IMMP1L: variants seen among roughly 807,000 people sequenced by gnomAD.
The protein encoded by IMMP1L is mitochondrial inner membrane protease subunit 1.
A neutral mutation model predicts 21.8 loss-of-function variants in IMMP1L; 24 were observed. The observed-to-expected ratio is 1.10, with a 90% CI of 0.80 to 1.55. IMMP1L has a LOEUF of 1.55. Among genes scored for constraint, IMMP1L ranks in the 40% most tolerant of loss-of-function variants. The pLI, the probability that IMMP1L is intolerant of heterozygous loss-of-function variation, is 0.00. For missense variants in IMMP1L, 195 were observed against 200.7 expected (o/e 0.97, Z 0.17); for synonymous variants, 46 against 62.8 (o/e 0.73, Z 1.26).
intron 1 of IMMP1L, among the ~76,000 whole-genome samples, chr11:31,497,880 C>T (rs990982582): frequency 2.6e-5 from 4 of 152,156 alleles, no homozygotes; most frequent in African/African-American, 9.7e-5. Flanking sequence ...TTTTATGTTA[C>T]GTATATTTTT....
At chr11:31,468,396 C>CAT (rs1196001717) in intron 1 of IMMP1L, among the ~76,000 whole-genome samples, 1 of 152,096 alleles carries the variant, frequency 6.6e-6, no homozygotes, top group African/African-American at 2.4e-5. Flanking sequence ...TTGATACACA[C>CAT]ATATATATAC....
At chr11:31,457,172 A>C (rs888870721) in intron 3 of IMMP1L, among the ~76,000 whole-genome samples, 13 of 152,028 alleles carry the variant, frequency 8.6e-5, no homozygotes. Flanking sequence ...AAATCAAAAG[A>C]TACAACAAAA....
intron 1 of IMMP1L, among the ~76,000 whole-genome samples, chr11:31,497,601 A>G (rs1185793478): frequency 6.6e-6 from 1 of 151,962 alleles, no homozygotes; most frequent in African/African-American, 2.4e-5. Flanking sequence ...AGCTGGGACT[A>G]GAGGCACGCG....
intron 4 of IMMP1L, among the ~76,000 whole-genome samples, chr11:31,449,400 T>C (rs556274096): frequency 4.7e-4 from 71 of 152,336 alleles, no homozygotes; most frequent in Non-Finnish European, 8.7e-4. Context: ...TAAAGGACTA[T>C]TAGTGTTAAC....
chr11:31,454,137 G>A (rs892110417), intron 4 of IMMP1L, among the ~76,000 whole-genome samples: 11 of 152,118 alleles, frequency 7.2e-5, no homozygotes, highest in African/African-American at 2.7e-4. Context: ...AAGATTATTA[G>A]AATGATGTAC....
chr11:31,445,491 T>C (rs949594060), intron 4 of IMMP1L, among the ~76,000 whole-genome samples: 1 of 152,218 alleles, frequency 6.6e-6, no homozygotes, highest in Non-Finnish European at 1.5e-5. Context: ...AGTAGAAAGG[T>C]TGCCATACTT....
Position 31,456,266 on chromosome 11 carries a change from A to G in IMMP1L, c.315T>C (p.His105=), listed in dbSNP as rs1564979109. 1 of 1,592,500 alleles carries G rather than the reference A, an allele frequency of 6.3e-7. No individual in the cohort carries two copies. Among genetic ancestry groups the G allele is most frequent in the Non-Finnish European group, 8.6e-7 (1 of 1,165,802 alleles). The change falls in exon 4 of 6, where the codon CAT becomes CAC. Residue 105 remains histidine (H), a synonymous_variant. Transcript: ENST00000532287. ...TTSPSDFFKS[H]SYVPMGHVWL... The stretch of plus-strand genomic sequence containing the variant: ...TAATTGAAATGTTACTTACATAACT[A>G]TGGCTTTTAAAGAAATCTGATGGAC...
At chr11:31,464,110 T>C (rs1191480696) in intron 1 of IMMP1L, among the ~76,000 whole-genome samples, 1 of 152,074 alleles carries the variant, frequency 6.6e-6, no homozygotes, top group Non-Finnish European at 1.5e-5. Flanking sequence ...TGTTCTCAGA[T>C]CAAATTTATT....
chr11:31,442,783 G>A (rs1215100866), intron 4 of IMMP1L, among the ~76,000 whole-genome samples: 1 of 150,766 alleles, frequency 6.6e-6, no homozygotes, highest in Admixed American at 6.6e-5. Context: ...TCATTTTCCT[G>A]TAATGTACAA....
chr11:31,495,079 C>T (rs1955388837), intron 1 of IMMP1L, among the ~76,000 whole-genome samples: 1 of 152,190 alleles, frequency 6.6e-6, no homozygotes, highest in South Asian at 2.1e-4. Flanking sequence ...AAAATGCCAC[C>T]AGTCTCTTTG....
intron 1 of IMMP1L, among the ~76,000 whole-genome samples, chr11:31,497,152 A>C (rs910536073): frequency 2.0e-5 from 3 of 151,506 alleles, no homozygotes; most frequent in African/African-American, 7.3e-5. Flanking sequence ...TTTTCAACTT[A>C]TGGTATTTTC....
intron 1 of IMMP1L, among the ~76,000 whole-genome samples, chr11:31,497,695 C>T (rs892963876): frequency 1.3e-5 from 2 of 152,106 alleles, no homozygotes; most frequent in Non-Finnish European, 2.9e-5. Context: ...CTCTTGACCT[C>T]GTGATCCGCC....
chr11:31,497,429 G>C (rs1424435995), intron 1 of IMMP1L, among the ~76,000 whole-genome samples: 1 of 149,676 alleles, frequency 6.7e-6, no homozygotes, highest in East Asian at 2.0e-4. Context: ...AGAATAACAA[G>C]TTACTGCTTC....
intron 1 of IMMP1L, among the ~76,000 whole-genome samples, chr11:31,500,780 T>C (rs1444373031): frequency 6.6e-6 from 1 of 152,078 alleles, no homozygotes; most frequent in Non-Finnish European, 1.5e-5. Context: ...TTTTAGCCAA[T>C]AAAGTTTTAC....
At chr11:31,433,078 T>A (rs998014405) in intron 5 of IMMP1L, among the ~76,000 whole-genome samples, 1 of 152,220 alleles carries the variant, frequency 6.6e-6, no homozygotes, top group Non-Finnish European at 1.5e-5. Flanking sequence ...TGACTCACAG[T>A]ACTCAACTGG....
chr11:31,446,224 T>C (rs1953513926), intron 4 of IMMP1L, among the ~76,000 whole-genome samples: 1 of 152,144 alleles, frequency 6.6e-6, no homozygotes, highest in Non-Finnish European at 1.5e-5. Flanking sequence ...TCTAGATTAT[T>C]TCCTTAATCT....
intron 1 of IMMP1L, among the ~76,000 whole-genome samples, chr11:31,496,118 A>AG (rs200540773): frequency 0.07 from 8,731 of 124,586 alleles, 376 homozygotes; most frequent in Non-Finnish European, 0.092. Context: ...AAAACCCGCA[A>AG]AAAAAAAAAA....
intron 1 of IMMP1L, among the ~76,000 whole-genome samples, chr11:31,487,407 T>C (rs1163404039): frequency 6.6e-6 from 1 of 152,130 alleles, no homozygotes. Flanking sequence ...ATTTGAGGCA[T>C]GCTGCATTTC....
intron 1 of IMMP1L, among the ~76,000 whole-genome samples, chr11:31,470,761 T>C (rs1473603693): frequency 6.6e-6 from 1 of 152,118 alleles, no homozygotes; most frequent in Non-Finnish European, 1.5e-5. Context: ...GAAAATGTGG[T>C]ATATATACAC....
Sources: allele counts gnomAD v4.1 joint callset (sites outside exome capture counted in the v4.1 genomes callset), GRCh38; gene constraint gnomAD v4.1.1; transcripts MANE v1.5; gene names NCBI Gene and HGNC (gene_info 2026-07-23, HGNC 2026-07-21).